The following SLC2A12 variants were observed in gnomAD, a reference collection of about 807,000 sequenced individuals.
The protein encoded by SLC2A12 is solute carrier family 2 member 12, also known as solute carrier family 2, facilitated glucose transporter member 12.
In SLC2A12, 23 loss-of-function variants were observed where a neutral mutation model predicts 41.8. The ratio of observed to expected loss-of-function variants is 0.55; its 90% CI spans 0.40 to 0.78. The LOEUF is 0.78. SLC2A12 is among the 30% of genes least tolerant of loss of function. The pLI is 0.00. For synonymous variants in SLC2A12, 295 were observed against 285.9 expected (o/e 1.03, Z -0.32); for missense variants, 654 against 745.6 (o/e 0.88, Z 1.43).
chr6:133,989,933 A>C lies in SLC2A12; in HGVS notation c.*1222T>G, dbSNP rs969746846. 1 of 152,250 alleles carries C rather than the reference A, an allele frequency of 6.6e-6. No homozygotes were observed. The highest frequency in any genetic ancestry group is 6.5e-5 in the Admixed American group (1 of 15,278). 9.4% of individuals were successfully genotyped at this position (152,250 alleles called of 1,614,324 possible). A position where few individuals can be genotyped will look rare whatever the true frequency, so the allele number is the denominator to read the frequency against. Reference sequence around the variant, plus strand: ...CTTTTAAGTTTTTTGTGTGTCTTCCATCACTTAAATATTAGTAATTTAATA... The same window carrying C: ...CTTTTAAGTTTTTTGTGTGTCTTCCCTCACTTAAATATTAGTAATTTAATA... On this transcript the variant is annotated 3_prime_UTR_variant, in exon 5 of 5. Transcript: ENST00000275230.
In SLC2A12 at chr6:133,987,646, G is replaced by GTATATATATATATATATATATA. The variant is rs1165164380; in HGVS notation, c.*3508_*3509insTATATATATATATATATATATA. ...ATTTTGTGTGTGTGTGTGTGTGTGT[G>GTATATATATATATATATATATA]TGTATATATATATATATATATGCAC... On this transcript the variant is annotated 3_prime_UTR_variant, in exon 5 of 5. Coordinates refer to ENST00000275230, the MANE Select transcript of SLC2A12 (RefSeq NM_145176.3). 1 of 133,260 alleles carries GTATATATATATATATATATATA rather than the reference G, an allele frequency of 7.5e-6. No individual in the cohort carries two copies. The highest frequency in any genetic ancestry group is 2.8e-5 in the African/African-American group (1 of 36,180). The allele number at this position is 133,260 out of a possible 1,614,324, so 8.3% of individuals were successfully genotyped here.
At chr6:134,035,472 A>G (rs1477229499) in intron 1 of SLC2A12, among the ~76,000 whole-genome samples, 3 of 152,204 alleles carry the variant, frequency 2.0e-5, no homozygotes, top group African/African-American at 7.2e-5. Context: ...TTTCTGTTTC[A>G]GTTTATTACT....
intron 4 of SLC2A12, among the ~76,000 whole-genome samples, chr6:133,998,387 A>AT (rs1408942487): frequency 6.6e-6 from 1 of 152,262 alleles, no homozygotes; most frequent in African/African-American, 2.4e-5. Flanking sequence ...TATACAGAAC[A>AT]TTCTGCTTTC....
intron 1 of SLC2A12, among the ~76,000 whole-genome samples, chr6:134,050,801 T>G (rs182351233): frequency 3.9e-5 from 6 of 152,320 alleles, no homozygotes; most frequent in Non-Finnish European, 8.8e-5. Context: ...TCTCCAAATA[T>G]AAGTTTCCCT....
At position 134,002,036 on chromosome 6, in the gene SLC2A12, C is replaced by T; in HGVS notation, c.1661G>A (p.Gly554Glu). 2 of 1,607,924 alleles carry T rather than the reference C, an allele frequency of 1.2e-6. No homozygotes were observed. Among genetic ancestry groups the T allele is most frequent in the Non-Finnish European group, 1.7e-6 (2 of 1,177,988 alleles). Reference protein sequence around the residue: ...FVVMFIPETKGCSLEQISMEL... With the variant: ...FVVMFIPETKECSLEQISMEL... ...CATTGATATTTGTTCCAAAGAGCATCCCTTTGTCTCAGGTATAAACATAAC... is the reference window on the plus strand; with the variant it reads ...CATTGATATTTGTTCCAAAGAGCATTCCTTTGTCTCAGGTATAAACATAAC... Residue 554 changes from glycine to glutamate, a missense_variant, in exon 4 of 5, where the codon GGA (glycine) becomes GAA (glutamate). By Grantham distance (98) the Gly-to-Glu change is moderately conservative. Transcript: ENST00000275230.
At chr6:134,028,275 C>A in intron 2 of SLC2A12, 106 bp downstream of exon 2, 1 of 1,402,942 alleles carries the variant, frequency 7.1e-7, no homozygotes, top group Non-Finnish European at 9.6e-7. Context: ...CATCAGATGA[C>A]CAATGTTATC....
rs190342686 is a variant in SLC2A12, at chr6:134,036,176, C to A, written c.104-6455G>T. 6.4e-3 allele frequency among the ~76,000 whole-genome samples: 980 copies of A among 152,152 alleles called. 7 individuals carry two copies. Among genetic ancestry groups the A allele is most frequent in the Non-Finnish European group, 0.012 (806 of 67,976 alleles). ...GCACACACAGGTGGTTTCTTTTTTTCTTTTTTTGGCAGGCAGCCAGGTAAT... is the reference window on the plus strand; with the variant it reads ...GCACACACAGGTGGTTTCTTTTTTTATTTTTTTGGCAGGCAGCCAGGTAAT... On this transcript the variant is annotated intron_variant, in intron 1 of 4. Transcript: ENST00000275230.
At chr6:134,028,270 G>T in intron 2 of SLC2A12, 111 bp downstream of exon 2, 1 of 1,386,408 alleles carries the variant, frequency 7.2e-7, no homozygotes, top group Non-Finnish European at 9.7e-7. Context: ...AGGAACATCA[G>T]ATGACCAATG....
chr6:134,013,098 T>C (rs370572446), intron 2 of SLC2A12, among the ~76,000 whole-genome samples: 5 of 152,152 alleles, frequency 3.3e-5, no homozygotes, highest in African/African-American at 1.2e-4. Flanking sequence ...GGAAAGTCTT[T>C]TATTGATCAT....
In SLC2A12 at chr6:134,012,003, C is replaced by T. The variant is rs142229390; in HGVS notation, c.1445-5069G>A. On this transcript the variant is annotated intron_variant, in intron 2 of 4. Transcript: ENST00000275230. ...GTTGCAGTGAGCCGAGATCACACCA[C>T]GGCACTCCAACCTGGGAGACAGAGC... Among the ~76,000 whole-genome samples the T allele has an allele frequency of 3.2e-3, 483 of 152,226 alleles. 3 individuals carry two copies. The highest frequency in any genetic ancestry group is 0.011 in the African/African-American group (461 of 41,540).
chr6:134,036,489 A>G (rs9389133), intron 1 of SLC2A12, among the ~76,000 whole-genome samples: 11,971 of 152,232 alleles, frequency 0.079, 1,114 homozygotes, highest in African/African-American at 0.22. Flanking sequence ...AGTCCATCTC[A>G]TTTTAAGGCA....
At chr6:134,049,334 T>C (rs1273090783) in intron 1 of SLC2A12, among the ~76,000 whole-genome samples, 1 of 152,096 alleles carries the variant, frequency 6.6e-6, no homozygotes, top group African/African-American at 2.4e-5. Flanking sequence ...CTTTGGACAG[T>C]TGGGGGTGAA....
intron 1 of SLC2A12, among the ~76,000 whole-genome samples, chr6:134,041,916 A>C (rs565965339): frequency 7.2e-5 from 11 of 152,264 alleles, no homozygotes; most frequent in Admixed American, 6.5e-4. Flanking sequence ...GGGGATGCTC[A>C]ATGTGTGTGA....
chr6:133,991,174 T>C lies in SLC2A12; in HGVS notation c.1835A>G (p.Gln612Arg). 1 of 1,613,086 alleles carries C rather than the reference T, an allele frequency of 6.2e-7. No individual in the cohort carries two copies. The highest frequency in any genetic ancestry group is 1.1e-5 in the South Asian group (1 of 90,756). ...NKLCGRGQSR[Q>R]LSPET is the part of the protein sequence containing the mutation. ...AGGCCATTAGGTCTCTGGAGAAAGC[T>C]GCCTGGATTGGCCCCTACCACACAG... Residue 612 changes from glutamine (Q) to arginine (R), a missense_variant, in exon 5 of 5, where the codon CAG becomes CGG. Gln to Arg is a conservative substitution (Grantham distance 43, BLOSUM62 1). Around this residue, in one of 3 missense-constraint regions of SLC2A12, gnomAD observed 134 missense variants for 180.5 expected, o/e 0.74. Transcript: ENST00000275230.
chr6:134,003,739 C>T (rs938572007), intron 3 of SLC2A12, among the ~76,000 whole-genome samples: 1 of 152,212 alleles, frequency 6.6e-6, no homozygotes, highest in African/African-American at 2.4e-5. Flanking sequence ...CTTCAGCGAA[C>T]ACACTGCAAT....
intron 2 of SLC2A12, among the ~76,000 whole-genome samples, chr6:134,027,190 A>G (rs1777125437): frequency 6.6e-6 from 1 of 152,208 alleles, no homozygotes; most frequent in South Asian, 2.1e-4. Flanking sequence ...CCTGGTTATG[A>G]AAAAAATTCA....
chr6:134,033,802 G>C (rs537013242), intron 1 of SLC2A12, among the ~76,000 whole-genome samples: 19 of 152,230 alleles, frequency 1.2e-4, no homozygotes, highest in African/African-American at 4.3e-4. Context: ...AAGATGCCTT[G>C]AGATGCAGGA....
chr6:133,995,121 A>T lies in SLC2A12; in HGVS notation c.1701-3813T>A, dbSNP rs1296138602. ...ACAAGTGATGACAGCGAATATAGACAACGCTTTAGAAAAACTTGGCTATAC... is the reference window on the plus strand; with the variant it reads ...ACAAGTGATGACAGCGAATATAGACTACGCTTTAGAAAAACTTGGCTATAC... On this transcript the variant is annotated intron_variant, in intron 4 of 4. Coordinates refer to ENST00000275230, the MANE Select transcript of SLC2A12 (RefSeq NM_145176.3). Among the ~76,000 whole-genome samples the T allele has an allele frequency of 2.0e-5, 3 of 152,344 alleles. No homozygotes were observed. In the East Asian group the frequency reaches 5.8e-4, roughly 29 times the overall value.
intron 1 of SLC2A12, among the ~76,000 whole-genome samples, chr6:134,038,351 G>T: frequency 2.5e-5 from 3 of 122,384 alleles, no homozygotes; most frequent in Admixed American, 8.1e-5. Flanking sequence ...TTTTCTTTCT[G>T]CCTTTTTTTT....
Sources: gnomAD v4.1 joint callset for allele counts (sites outside exome capture counted in the v4.1 genomes callset) on GRCh38, gnomAD v4.1.1 for gene constraint, gnomAD v4.1.1 regional missense constraint, MANE v1.5 for transcripts, NCBI Gene and HGNC (gene_info 2026-07-23, HGNC 2026-07-21) for gene names.